Variants in IHO1 observed in about 807,000 individuals in gnomAD.
IHO1 encodes the protein interactor of HORMAD1 protein 1.
A neutral mutation model predicts 31.0 loss-of-function variants in IHO1; 13 were observed. The ratio of observed to expected loss-of-function variants is 0.42; its 90% CI spans 0.27 to 0.67. The LOEUF is 0.67. Among genes scored for constraint, IHO1 ranks in the 30% least tolerant of loss-of-function variants. The pLI, the probability that IHO1 is intolerant of heterozygous loss-of-function variation, is 0.24. For synonymous variants in IHO1, 221 were observed against 248.4 expected, an observed-to-expected ratio of 0.89 and a Z score of 1.04; for missense variants, 599 against 687.5, an observed-to-expected ratio of 0.87 and a Z score of 1.44.
At position 49,226,679 on chromosome 3, in the gene IHO1, C is replaced by T. The variant is rs148680360; in HGVS notation, c.57-9869C>T. Among the ~76,000 whole-genome samples, 888 of 152,292 alleles carry T rather than the reference C, an allele frequency of 5.8e-3. 10 individuals are homozygous for T. Among genetic ancestry groups the T allele is most frequent in the African/African-American group, 0.02 (846 of 41,540 alleles). ...CACTAAGATACCAGGTATCTCCAAA[C>T]TCTTGGGCTGCAGCTAAAGCCGCAT... On this transcript the variant is annotated intron_variant, in intron 2 of 7. Coordinates refer to ENST00000452691, the MANE Select transcript of IHO1 (RefSeq NM_001135197.2).
At chr3:49,218,753 T>G (rs543498435) in intron 2 of IHO1, among the ~76,000 whole-genome samples, 1 of 152,146 alleles carries the variant, frequency 6.6e-6, no homozygotes, top group Non-Finnish European at 1.5e-5. Context: ...ATATAACAAG[T>G]GGAGTTATGT....
Position 49,257,308 on chromosome 3 carries a change from T to C in IHO1, c.*26T>C. The C allele has an allele frequency of 6.3e-7, 1 of 1,592,402 alleles. No individual in the cohort carries two copies. On this transcript the variant is annotated 3_prime_UTR_variant, in exon 8 of 8. Transcript: ENST00000452691. ...CCAGTCCACAGTTGATTTATTGGTC[T>C]CAGCTAGAAAGAGAAATTGCAGGAC... is the stretch of plus-strand genomic sequence containing the variant.
At chr3:49,246,262 A>G (rs2046694154) in intron 6 of IHO1, among the ~76,000 whole-genome samples, 1 of 152,104 alleles carries the variant, frequency 6.6e-6, no homozygotes, top group African/African-American at 2.4e-5. Flanking sequence ...AGACGGCAGA[A>G]GCAAATCAGG....
chr3:49,233,502 A>G (rs1019847478), intron 2 of IHO1, among the ~76,000 whole-genome samples: 2 of 152,238 alleles, frequency 1.3e-5, no homozygotes, highest in African/African-American at 4.8e-5. Flanking sequence ...ACAGATTAGC[A>G]GCTATTAACC....
At chr3:49,208,158 T>C (rs1411191920) in intron 1 of IHO1, among the ~76,000 whole-genome samples, 1 of 152,252 alleles carries the variant, frequency 6.6e-6, no homozygotes, top group Non-Finnish European at 1.5e-5. Flanking sequence ...CTGTGTGTTC[T>C]TGCTCTGCAC....
upstream of IHO1, among the ~76,000 whole-genome samples, chr3:49,195,754 T>C (rs887495293): frequency 6.6e-6 from 1 of 151,088 alleles, no homozygotes; most frequent in East Asian, 1.9e-4. Context: ...AAATAATAAA[T>C]AAATATATAA....
chr3:49,225,661 C>T (rs2046408984), intron 2 of IHO1, among the ~76,000 whole-genome samples: 1 of 152,174 alleles, frequency 6.6e-6, no homozygotes, highest in Admixed American at 6.5e-5. Flanking sequence ...GGGTGTGGGA[C>T]TTTCAGGCAC....
chr3:49,244,639 T>C lies in IHO1; in HGVS notation c.445-7T>C. 1.2e-6 allele frequency: 2 copies of C among 1,609,696 alleles called. No individual in the cohort carries two copies. ...TGTGAATTATTTCATAATTTTGGGTTTCTTAGTTGCAGACGTCTGTGGAAA... is the reference window on the plus strand; with the variant it reads ...TGTGAATTATTTCATAATTTTGGGTCTCTTAGTTGCAGACGTCTGTGGAAA... On this transcript the variant is annotated splice_polypyrimidine_tract_variant and splice_region_variant and intron_variant, in intron 5 of 7. Transcript: ENST00000452691.
upstream of IHO1, chr3:49,198,912 C>A (rs1051440572): frequency 6.5e-6 from 1 of 152,804 alleles, no homozygotes; most frequent in African/African-American, 2.4e-5. Flanking sequence ...ATGTCCCCAT[C>A]TGCCCACGGC....
chr3:49,193,019 T>C, the IHO1 span, among the ~76,000 whole-genome samples: 1 of 152,122 alleles, frequency 6.6e-6, no homozygotes, highest in Non-Finnish European at 1.5e-5. Flanking sequence ...AGTCACACAA[T>C]GAAATTACTA....
upstream of IHO1, among the ~76,000 whole-genome samples, chr3:49,194,796 T>C (rs560856674): frequency 2.6e-5 from 4 of 151,754 alleles, no homozygotes; most frequent in East Asian, 7.9e-4. Flanking sequence ...TTCGAGAGGC[T>C]GAGGTGGGAG....
Position 49,256,652 on chromosome 3 carries a change from G to T in IHO1, c.1155G>T (p.Leu385=), listed in dbSNP as rs747603332. ...ATAAGATTCCCAGTGACAGGGACCT[G>T]GTTTCCCAAGGAGCCTCACAGCTCA... is the stretch of plus-strand genomic sequence containing the variant. ...PGHKIPSDRD[L]VSQGASQLTS... Residue 385 remains leucine, a synonymous_variant, in exon 8 of 8, where the codon CTG becomes CTT. Transcript: ENST00000452691. This position sits in a 1 kb window ranked among gnomAD's most constrained non-coding sequence, Gnocchi z 4.6. 2 of 1,614,222 alleles carry T rather than the reference G, an allele frequency of 1.2e-6. No individual in the cohort carries two copies. Among genetic ancestry groups the T allele is most frequent in the Non-Finnish European group, 1.7e-6 (2 of 1,180,044 alleles).
At position 49,210,168 on chromosome 3, in the gene IHO1, A is replaced by G. The variant is rs183548529; in HGVS notation, c.-15-1598A>G. ...CTCAGCCTCCCAAGTAGCTGAGACTACAGGTGTATGTTGCCATGCCTAGCT... is the reference window on the plus strand; with the variant it reads ...CTCAGCCTCCCAAGTAGCTGAGACTGCAGGTGTATGTTGCCATGCCTAGCT... On this transcript the variant is annotated intron_variant, in intron 1 of 7. Coordinates refer to ENST00000452691, the MANE Select transcript of IHO1 (RefSeq NM_001135197.2). Among the ~76,000 whole-genome samples, 188 of 152,052 alleles carry G rather than the reference A, an allele frequency of 1.2e-3. 1 individual carries two copies. Among genetic ancestry groups the G allele is most frequent in the African/African-American group, 4.4e-3 (181 of 41,496 alleles).
chr3:49,203,974 G>T (rs909605575), intron 1 of IHO1, among the ~76,000 whole-genome samples: 1 of 152,152 alleles, frequency 6.6e-6, no homozygotes, highest in Non-Finnish European at 1.5e-5. Context: ...AGTCCGTTTT[G>T]TGTTGCTATA....
At chr3:49,234,162 GTTTTTTTT>G (rs56802492) in intron 2 of IHO1, among the ~76,000 whole-genome samples, 2 of 91,916 alleles carry the variant, frequency 2.2e-5, no homozygotes, top group South Asian at 4.3e-4. Context: ...TTTTGTTGTT[GTTTTTTTT>G]TTTTTTTTTT....
chr3:49,196,156 G>A (rs901234680), upstream of IHO1, among the ~76,000 whole-genome samples: 1 of 146,628 alleles, frequency 6.8e-6, no homozygotes, highest in Non-Finnish European at 1.5e-5. Context: ...GCATGAACCC[G>A]AGAGGCAGAG....
intron 1 of IHO1, chr3:49,200,475 A>AAAGAAAGAAAGAAAAAG (rs367907809): frequency 9.6e-6 from 1 of 103,858 alleles, no homozygotes; most frequent in African/African-American, 6.1e-5. Flanking sequence ...AAAAAAAAAA[A>AAAGAAAGAAAGAAAAAG]AAAGAAAGAA....
At chr3:49,200,574 GC>G in intron 1 of IHO1, 1 of 984,800 alleles carries the variant, frequency 1.0e-6, no homozygotes, top group Non-Finnish European at 1.2e-6. Context: ...GGTAGTCCAT[GC>G]CAATCGGGGC....
At chr3:49,204,746 C>T (rs187641762) in intron 1 of IHO1, among the ~76,000 whole-genome samples, 3 of 152,162 alleles carry the variant, frequency 2.0e-5, no homozygotes, top group Admixed American at 2.0e-4. Flanking sequence ...AGAACTGGGC[C>T]GGGCGTGGTG....
Sources: allele counts gnomAD v4.1 joint callset (sites outside exome capture counted in the v4.1 genomes callset), GRCh38; gene constraint gnomAD v4.1.1; non-coding constraint Gnocchi (gnomAD v3.1); transcripts MANE v1.5; gene names NCBI Gene and HGNC (gene_info 2026-07-23, HGNC 2026-07-21).